Variants in TARS3 observed in about 807,000 individuals in gnomAD.
TARS3 encodes the protein threonyl-tRNA synthetase 3.
Under a neutral mutation model 103.5 loss-of-function variants are expected in TARS3, and 94 were observed. The observed-to-expected ratio is 0.91, with a 90% CI of 0.77 to 1.08. The LOEUF is 1.08. Ranked by LOEUF, TARS3 falls within the 50% of genes least tolerant of loss-of-function variation. TARS3 has a pLI of 0.00. For synonymous variants in TARS3, 416 were observed against 355.4 expected (o/e 1.17, Z -1.92); for missense variants, 952 against 995.2 (o/e 0.96, Z 0.58).
At chr15:101,654,853 G>C (rs1596274657) in intron 18 of TARS3, 123 bp from the exon 19 acceptor site, 1 of 914,300 alleles carries the variant, frequency 1.1e-6, no homozygotes. Context: ...CATCTAATGA[G>C]CATTTGGTTC....
intron 3 of TARS3, among the ~76,000 whole-genome samples, chr15:101,716,286 A>G (rs902963595): frequency 1.3e-5 from 2 of 152,172 alleles, no homozygotes; most frequent in Admixed American, 1.3e-4. Flanking sequence ...TATCTTTTAA[A>G]TAACATTTAT....
chr15:101,704,006 A>G (rs2141433003), intron 7 of TARS3, 69 bp from the exon 8 acceptor site: 3 of 1,136,282 alleles, frequency 2.6e-6, no homozygotes, highest in Middle Eastern at 2.0e-4. Flanking sequence ...TATAAGCCAT[A>G]ATATCCTATG....
intron 16 of TARS3, among the ~76,000 whole-genome samples, chr15:101,661,049 C>T (rs1233725982): frequency 6.6e-6 from 1 of 151,890 alleles, no homozygotes; most frequent in African/African-American, 2.4e-5. Flanking sequence ...CCTGTGCATC[C>T]ATGTAACTCC....
In TARS3 at chr15:101,686,072, A is replaced by G; in HGVS notation, c.1321-10T>C. The G allele has an allele frequency of 6.3e-7, 1 of 1,591,264 alleles. No individual in the cohort carries two copies. Among genetic ancestry groups the G allele is most frequent in the Non-Finnish European group, 8.6e-7 (1 of 1,165,012 alleles). On this transcript the variant is annotated splice_polypyrimidine_tract_variant and intron_variant, in intron 10 of 18. Transcript: ENST00000335968. ...GTTTGTGATATTCCTCCTTCAAGAT[A>G]CATGCATTCAACATTAAAATCTGCT...
intron 10 of TARS3, chr15:101,695,984 C>A (rs752554759): frequency 6.6e-6 from 1 of 151,656 alleles, no homozygotes; most frequent in Admixed American, 6.6e-5. Flanking sequence ...TTTGGGAGGC[C>A]GAGGTGGGTG....
intron 2 of TARS3, 127 bp downstream of exon 2, chr15:101,722,966 A>G: frequency 1.1e-6 from 1 of 877,670 alleles, no homozygotes; most frequent in Non-Finnish European, 1.8e-6. Flanking sequence ...AAAGTTTTAA[A>G]TACACTAATG....
intron 10 of TARS3, among the ~76,000 whole-genome samples, chr15:101,689,642 G>C (rs1288406428): frequency 5.3e-5 from 8 of 152,168 alleles, no homozygotes; most frequent in Non-Finnish European, 2.9e-5. Context: ...GAACACTAAA[G>C]ATGACTGGCA....
intron 10 of TARS3, among the ~76,000 whole-genome samples, chr15:101,698,744 C>A (rs1028000338): frequency 6.6e-6 from 1 of 152,178 alleles, no homozygotes; most frequent in South Asian, 2.1e-4. Context: ...ACAAACTGCA[C>A]CCGAGGAGCC....
intron 10 of TARS3, among the ~76,000 whole-genome samples, chr15:101,688,671 A>G (rs2141411532): frequency 6.6e-6 from 1 of 152,304 alleles, no homozygotes; most frequent in Middle Eastern, 3.4e-3. Flanking sequence ...TTTTTATAAG[A>G]GCATAAATCT....
chr15:101,665,927 A>G (rs1233963048), intron 15 of TARS3, among the ~76,000 whole-genome samples: 1 of 152,232 alleles, frequency 6.6e-6, no homozygotes, highest in Non-Finnish European at 1.5e-5. Flanking sequence ...TTTATGCACA[A>G]GATGAGAACA....
Position 101,684,120 on chromosome 15 carries a change from C to A in TARS3, c.1605G>T (p.Arg535Ser), listed in dbSNP as rs1365932544. 6.2e-7 allele frequency: 1 copy of A among 1,613,658 alleles called. No homozygotes were observed. The highest frequency in any genetic ancestry group is 1.3e-5 in the African/African-American group (1 of 74,922). ...TGTGAGCATCGTCCTGCTGGAAGCGCCTCACTCTGGTCAAGCCGCTGAGAG... is the reference window on the plus strand; with the variant it reads ...TGTGAGCATCGTCCTGCTGGAAGCGACTCACTCTGGTCAAGCCGCTGAGAG... Reference protein sequence around the residue: ...SGTLSGLTRVRRFQQDDAHIF... With the variant: ...SGTLSGLTRVSRFQQDDAHIF... The change falls in exon 12 of 19, where the codon AGG becomes AGT. Residue 535 changes from arginine (R) to serine (S), a missense_variant. Coordinates refer to ENST00000335968, the MANE Select transcript of TARS3 (RefSeq NM_152334.3).
At chr15:101,659,755 C>T (rs1897310952) in intron 16 of TARS3, among the ~76,000 whole-genome samples, 1 of 152,210 alleles carries the variant, frequency 6.6e-6, no homozygotes, top group Non-Finnish European at 1.5e-5. Context: ...ACTCAGGCGG[C>T]ATACATATTC....
At chr15:101,695,437 G>A (rs1447741496) in intron 10 of TARS3, among the ~76,000 whole-genome samples, 1 of 152,174 alleles carries the variant, frequency 6.6e-6, no homozygotes, top group African/African-American at 2.4e-5. Flanking sequence ...CTCACTGCTT[G>A]TAAATGCTGA....
chr15:101,694,771 T>C (rs1311646037), intron 10 of TARS3, among the ~76,000 whole-genome samples: 1 of 152,208 alleles, frequency 6.6e-6, no homozygotes, highest in Non-Finnish European at 1.5e-5. Context: ...CAAAGGAGAC[T>C]TTTAAAAAGA....
chr15:101,702,517 C>A (rs1052908239), intron 8 of TARS3, 132 bp from the exon 9 acceptor site: 3 of 765,640 alleles, frequency 3.9e-6, no homozygotes, highest in Non-Finnish European at 6.5e-6. Flanking sequence ...TGCCTATAAT[C>A]CCAGCACTTT....
intron 13 of TARS3, among the ~76,000 whole-genome samples, chr15:101,672,136 C>T (rs982180313): frequency 9.9e-5 from 15 of 152,138 alleles, no homozygotes; most frequent in Admixed American, 3.3e-4. Context: ...TGATCACACT[C>T]CCTCTTCCAC....
intron 15 of TARS3, chr15:101,664,471 C>T (rs568776363): frequency 2.0e-5 from 3 of 152,330 alleles, no homozygotes; most frequent in South Asian, 4.1e-4. Flanking sequence ...GAAGCTTTTC[C>T]GTTTTGGCAC....
intron 13 of TARS3, among the ~76,000 whole-genome samples, chr15:101,674,185 G>A (rs1165956117): frequency 6.6e-6 from 1 of 152,172 alleles, no homozygotes; most frequent in South Asian, 2.1e-4. Flanking sequence ...CTTGGGAGCT[G>A]CCATGTTTAT....
chr15:101,663,715 C>T (rs1444977512), intron 15 of TARS3, among the ~76,000 whole-genome samples: 1 of 152,036 alleles, frequency 6.6e-6, no homozygotes, highest in Admixed American at 6.6e-5. Context: ...CCATTTGATT[C>T]TGTTGGATTT....
Sources: allele counts gnomAD v4.1 joint callset (sites outside exome capture counted in the v4.1 genomes callset), GRCh38; gene constraint gnomAD v4.1.1; transcripts MANE v1.5; gene names NCBI Gene and HGNC (gene_info 2026-07-23, HGNC 2026-07-21).